Variants in NBEA observed in about 807,000 individuals in gnomAD.
NBEA encodes the protein neurobeachin, also known as lysosomal-trafficking regulator 2.
In NBEA, 44 loss-of-function variants were observed where a neutral mutation model predicts 343.4. The ratio of observed to expected loss-of-function variants is 0.13; its 90% CI spans 0.10 to 0.16. The LOEUF (loss-of-function observed/expected upper bound fraction) is 0.16, where lower values mean the gene tolerates loss of function less well. NBEA is among the 10% of genes least tolerant of loss of function. NBEA has a pLI of 1.00. For synonymous variants in NBEA, 1,175 were observed against 1,238.7 expected, an observed-to-expected ratio of 0.95 and a Z score of 1.08; for missense variants, 2,555 against 3,631.3, an observed-to-expected ratio of 0.70 and a Z score of 7.62.
Position 35,196,234 on chromosome 13 carries a change from A to T in NBEA, c.5298A>T (p.Pro1766=). The T allele has an allele frequency of 1.2e-6, 2 of 1,613,588 alleles. No individual in the cohort carries two copies. The highest frequency in any genetic ancestry group is 1.7e-6 in the Non-Finnish European group (2 of 1,179,684). Residue 1766 remains proline, a synonymous_variant, in exon 31 of 59, where the codon CCA becomes CCT. Transcript: ENST00000379939. The part of the protein sequence containing the change: ...EIAECGPEPI[P]YPDPALKRET... ...CAGAATGTGGCCCTGAACCTATCCCATACCCAGATCCAGCATTGAAGAGAG... is the reference window on the plus strand; with the variant it reads ...CAGAATGTGGCCCTGAACCTATCCCTTACCCAGATCCAGCATTGAAGAGAG...
intron 38 of NBEA, among the ~76,000 whole-genome samples, chr13:35,360,287 T>C (rs1250340552): frequency 6.6e-6 from 1 of 152,044 alleles, no homozygotes; most frequent in Non-Finnish European, 1.5e-5. Flanking sequence ...TTAGGTTTCC[T>C]AAATCCAAGG....
chr13:35,032,952 A>T (rs1378061185), intron 1 of NBEA, among the ~76,000 whole-genome samples: 3 of 151,534 alleles, frequency 2.0e-5, no homozygotes, highest in Non-Finnish European at 3.0e-5. Context: ...CATTCTCTGG[A>T]TTGTCTCTTC....
At chr13:35,161,715 T>G (rs1470897949) in intron 22 of NBEA, 35 bp from the exon 23 acceptor site, 4 of 1,523,624 alleles carry the variant, frequency 2.6e-6, no homozygotes, top group Non-Finnish European at 2.7e-6. Context: ...GCATTTCTTT[T>G]GTATTCCACA....
chr13:35,431,221 G>T (rs1475996924), intron 38 of NBEA, among the ~76,000 whole-genome samples: 2 of 151,986 alleles, frequency 1.3e-5, no homozygotes, highest in Non-Finnish European at 2.9e-5. Flanking sequence ...CATAGGTCCT[G>T]CCTTAATCAG....
At chr13:35,562,737 C>A (rs1368880598) in intron 44 of NBEA, among the ~76,000 whole-genome samples, 1 of 152,012 alleles carries the variant, frequency 6.6e-6, no homozygotes, top group Non-Finnish European at 1.5e-5. Flanking sequence ...CTAGAGATGA[C>A]AAAATGTCTG....
At chr13:35,240,827 C>T (rs942260049) in intron 34 of NBEA, among the ~76,000 whole-genome samples, 7 of 151,576 alleles carry the variant, frequency 4.6e-5, no homozygotes, top group African/African-American at 9.7e-5. Context: ...TCCTGGGATA[C>T]GTGGTAATAA....
At chr13:35,639,799 G>C (rs2083856892) in intron 49 of NBEA, among the ~76,000 whole-genome samples, 2 of 152,018 alleles carry the variant, frequency 1.3e-5, no homozygotes, top group Admixed American at 6.6e-5. Context: ...ATAAAATGCT[G>C]ATTTTTCTGA....
chr13:35,451,656 G>A (rs2046318123), intron 39 of NBEA, among the ~76,000 whole-genome samples: 1 of 152,124 alleles, frequency 6.6e-6, no homozygotes, highest in South Asian at 2.1e-4. Context: ...TAGCTAATTA[G>A]CAATTGATTA....
chr13:34,999,935 T>C (rs1258510180), intron 1 of NBEA, among the ~76,000 whole-genome samples: 1 of 152,188 alleles, frequency 6.6e-6, no homozygotes, highest in African/African-American at 2.4e-5. Context: ...GAAACTAAAC[T>C]GTGATGCCCA....
At position 35,021,651 on chromosome 13, in the gene NBEA, T is replaced by C. The variant is rs527282015; in HGVS notation, c.295-19282T>C. 2.3e-4 allele frequency among the ~76,000 whole-genome samples: 35 copies of C among 152,282 alleles called. 1 individual carries two copies. The South Asian group carries it at 5.0e-3, about 22-fold the overall frequency. On this transcript the variant is annotated intron_variant, in intron 1 of 58. Coordinates refer to ENST00000379939, the MANE Select transcript of NBEA (RefSeq NM_001385012.1). ...TTTTTTTTACATGTTTAATGGTTTT[T>C]CTAGAGTTTATCATATGCATCATTA...
In NBEA at chr13:35,546,843, G is replaced by A. The variant is rs550340337; in HGVS notation, c.6586-3634G>A. Among the ~76,000 whole-genome samples the A allele has an allele frequency of 9.9e-5, 15 of 152,100 alleles. 1 individual carries two copies. The South Asian group carries it at 1.0e-3, about 11-fold the overall frequency. ...GCTGGGATTACAGGCGTGAGCCACC[G>A]CTCCCGGCCTAAAATTTTTTTAAAT... On this transcript the variant is annotated intron_variant, in intron 41 of 58. Coordinates refer to ENST00000379939, the MANE Select transcript of NBEA (RefSeq NM_001385012.1).
At chr13:35,186,427 G>A (rs550807313) in intron 30 of NBEA, 38 of 152,208 alleles carry the variant, frequency 2.5e-4, no homozygotes, top group African/African-American at 8.4e-4. Flanking sequence ...TCCAGCAATA[G>A]AAGATTCACA....
At chr13:35,398,546 A>G (rs1374230903) in intron 38 of NBEA, among the ~76,000 whole-genome samples, 2 of 152,144 alleles carry the variant, frequency 1.3e-5, no homozygotes, top group Non-Finnish European at 2.9e-5. Flanking sequence ...CAGGCATGAA[A>G]ACAATATTCA....
At chr13:35,281,630 A>G (rs1335475846) in intron 34 of NBEA, among the ~76,000 whole-genome samples, 1 of 152,130 alleles carries the variant, frequency 6.6e-6, no homozygotes, top group Admixed American at 6.6e-5. Context: ...CTTTTTATGA[A>G]GAGTGATACA....
At chr13:35,533,691 C>T (rs2078384660) in intron 41 of NBEA, among the ~76,000 whole-genome samples, 1 of 152,090 alleles carries the variant, frequency 6.6e-6, no homozygotes. Context: ...AAATTCTAAA[C>T]CAGAAGGGCT....
chr13:35,372,569 T>G (rs970634040), intron 38 of NBEA, among the ~76,000 whole-genome samples: 1 of 152,116 alleles, frequency 6.6e-6, no homozygotes, highest in East Asian at 1.9e-4. Context: ...TGGATAGGGA[T>G]AGCAACAACT....
At chr13:35,485,494 G>A (rs1264197675) in intron 41 of NBEA, among the ~76,000 whole-genome samples, 1 of 152,036 alleles carries the variant, frequency 6.6e-6, no homozygotes, top group Non-Finnish European at 1.5e-5. Context: ...CCATGTTATG[G>A]AAAATTCAAA....
intron 46 of NBEA, among the ~76,000 whole-genome samples, chr13:35,590,702 G>A (rs761350870): frequency 1.4e-4 from 22 of 152,026 alleles, no homozygotes; most frequent in Non-Finnish European, 2.8e-4. Flanking sequence ...CTAGAGACAA[G>A]CCTGATCCCT....
intron 10 of NBEA, among the ~76,000 whole-genome samples, chr13:35,082,171 G>A (rs149236013): frequency 6.6e-6 from 1 of 151,896 alleles, no homozygotes; most frequent in East Asian, 1.9e-4. Flanking sequence ...GCGGTGTTTG[G>A]TTTTTTTGTC....
Sources: gnomAD v4.1 joint callset for allele counts (sites outside exome capture counted in the v4.1 genomes callset) on GRCh38, gnomAD v4.1.1 for gene constraint, MANE v1.5 for transcripts, NCBI Gene and HGNC (gene_info 2026-07-23, HGNC 2026-07-21) for gene names.